Variants in RBFOX1 observed in about 807,000 individuals in gnomAD.
RBFOX1 encodes the protein RNA binding fox-1 homolog 1, also known as RNA binding protein fox-1 homolog 1.
RBFOX1 carries 8 observed loss-of-function variants against 57.7 expected under a neutral mutation model. The observed-to-expected ratio is 0.14, with a 90% CI of 0.08 to 0.25. RBFOX1 has a LOEUF of 0.25. Ranked by LOEUF, RBFOX1 falls within the 10% of genes least tolerant of loss-of-function variation. The pLI, the probability that RBFOX1 is intolerant of heterozygous loss-of-function variation, is 1.00. For synonymous variants in RBFOX1, 326 were observed against 222.4 expected, an observed-to-expected ratio of 1.47 and a Z score of -4.15; for missense variants, 611 against 548.5, an observed-to-expected ratio of 1.11 and a Z score of -1.14.
chr16:6,692,214 A>G (rs78653951), intron 3 of RBFOX1, among the ~76,000 whole-genome samples: 78 of 152,342 alleles, frequency 5.1e-4, no homozygotes, highest in Non-Finnish European at 6.5e-4. Context: ...TTTAGCATCA[A>G]TAGGAAACTA....
intron 2 of RBFOX1, among the ~76,000 whole-genome samples, chr16:6,353,391 G>C (rs1365061280): frequency 6.6e-6 from 1 of 151,646 alleles, no homozygotes; most frequent in African/African-American, 2.4e-5. Context: ...TGCCATCCTA[G>C]ATACCTATTT....
intron 3 of RBFOX1, among the ~76,000 whole-genome samples, chr16:7,037,653 C>G (rs962132212): frequency 1.3e-5 from 2 of 152,202 alleles, no homozygotes; most frequent in Non-Finnish European, 2.9e-5. Context: ...CTTCTAATTG[C>G]TTTGCAAATA....
chr16:6,986,789 A>G (rs925173643), intron 3 of RBFOX1, among the ~76,000 whole-genome samples: 3 of 152,100 alleles, frequency 2.0e-5, no homozygotes, highest in Non-Finnish European at 4.4e-5. Context: ...TGCCTTTAAG[A>G]AAATAACTGA....
chr16:6,121,411 G>C (rs1046550817), intron 1 of RBFOX1, among the ~76,000 whole-genome samples: 9 of 152,194 alleles, frequency 5.9e-5, no homozygotes, highest in African/African-American at 2.2e-4. Flanking sequence ...AGAAACACCA[G>C]GGAAAGTGAT....
At chr16:6,639,128 A>G (rs80179063) in intron 2 of RBFOX1, among the ~76,000 whole-genome samples, 4 of 152,196 alleles carry the variant, frequency 2.6e-5, no homozygotes, top group South Asian at 2.1e-4. Context: ...TGGATACTCA[A>G]TAGGATGCAT....
chr16:6,113,230 C>G (rs2096464350), intron 1 of RBFOX1, among the ~76,000 whole-genome samples: 1 of 152,168 alleles, frequency 6.6e-6, no homozygotes, highest in Non-Finnish European at 1.5e-5. Context: ...TGGTGAATTA[C>G]AGATGGACAA....
At chr16:6,657,941 C>A (rs554157369) in intron 3 of RBFOX1, among the ~76,000 whole-genome samples, 11 of 152,022 alleles carry the variant, frequency 7.2e-5, no homozygotes, top group African/African-American at 2.2e-4. Context: ...TTTTCTTTCA[C>A]CTCCCCTGGC....
intron 4 of RBFOX1, among the ~76,000 whole-genome samples, chr16:5,909,273 T>C (rs1481957580): frequency 6.6e-6 from 1 of 151,966 alleles, no homozygotes; most frequent in East Asian, 1.9e-4. Context: ...TTTGTATTTT[T>C]AGTAGAGACT....
intron 4 of RBFOX1, among the ~76,000 whole-genome samples, chr16:5,980,329 G>A (rs924002568): frequency 6.6e-6 from 1 of 152,214 alleles, no homozygotes; most frequent in African/African-American, 2.4e-5. Context: ...CGGCAGAACG[G>A]TATAGATGGT....
chr16:5,761,869 A>G (rs773274455), intron 3 of RBFOX1, among the ~76,000 whole-genome samples: 34 of 152,146 alleles, frequency 2.2e-4, no homozygotes, highest in Non-Finnish European at 4.6e-4. Context: ...GGGGCCAATC[A>G]TCCTAGGTCT....
At chr16:6,697,625 G>A (rs575456953) in intron 3 of RBFOX1, among the ~76,000 whole-genome samples, 1 of 152,222 alleles carries the variant, frequency 6.6e-6, no homozygotes, top group African/African-American at 2.4e-5. Flanking sequence ...TGATGATGTG[G>A]GAGCACCAAG....
chr16:6,137,749 A>T (rs189625837), intron 1 of RBFOX1, among the ~76,000 whole-genome samples: 1 of 150,018 alleles, frequency 6.7e-6, no homozygotes, highest in African/African-American at 2.5e-5. Flanking sequence ...AAGTAGTTGG[A>T]TGTATGCACC....
intron 4 of RBFOX1, among the ~76,000 whole-genome samples, chr16:7,180,714 G>GAAA (rs71391606): frequency 1.4e-5 from 2 of 146,100 alleles, no homozygotes; most frequent in East Asian, 2.0e-4. Flanking sequence ...TTATTATGAT[G>GAAA]AAAAAAAAAA....
At chr16:6,841,289 G>C (rs1022488241) in intron 3 of RBFOX1, among the ~76,000 whole-genome samples, 1 of 152,120 alleles carries the variant, frequency 6.6e-6, no homozygotes, top group African/African-American at 2.4e-5. Flanking sequence ...GGTTTGATAA[G>C]GACATTAGAT....
At chr16:6,528,570 A>G (rs1209472473) in intron 2 of RBFOX1, among the ~76,000 whole-genome samples, 2 of 152,206 alleles carry the variant, frequency 1.3e-5, no homozygotes, top group African/African-American at 2.4e-5. Context: ...AATAGCCAGT[A>G]TGATTCTGTG....
At chr16:6,056,088 C>G (rs1338558883) in intron 1 of RBFOX1, among the ~76,000 whole-genome samples, 3 of 152,110 alleles carry the variant, frequency 2.0e-5, no homozygotes, top group Non-Finnish European at 4.4e-5. Flanking sequence ...TGGAGCTAAA[C>G]AAATCTAAGT....
At chr16:5,691,350 G>A (rs900904989) in intron 3 of RBFOX1, among the ~76,000 whole-genome samples, 3 of 152,182 alleles carry the variant, frequency 2.0e-5, no homozygotes, top group African/African-American at 7.2e-5. Flanking sequence ...GCTGATGCAA[G>A]ATGTACTGGA....
chr16:6,089,820 C>T (rs147493808), intron 1 of RBFOX1, among the ~76,000 whole-genome samples: 45 of 152,262 alleles, frequency 3.0e-4, no homozygotes, highest in African/African-American at 7.5e-4. Flanking sequence ...AAGACACCAT[C>T]GCTTTGCATA....
chr16:6,701,103 G>C (rs2061769725), intron 3 of RBFOX1, among the ~76,000 whole-genome samples: 2 of 151,398 alleles, frequency 1.3e-5, no homozygotes, highest in South Asian at 4.2e-4. Flanking sequence ...GAGCTCCAGA[G>C]GTGAAGAGTT....
Sources: allele counts gnomAD v4.1 joint callset (sites outside exome capture counted in the v4.1 genomes callset), GRCh38; gene constraint gnomAD v4.1.1; transcripts MANE v1.5; gene names NCBI Gene and HGNC (gene_info 2026-07-23, HGNC 2026-07-21).